The following CRMP1 variants were observed in gnomAD, a reference collection of about 807,000 sequenced individuals.
CRMP1 encodes the protein dihydropyrimidinase-related protein 1.
Under a neutral mutation model 68.3 loss-of-function variants are expected in CRMP1, and 19 were observed. The ratio of observed to expected loss-of-function variants is 0.28; its 90% CI spans 0.19 to 0.41. The LOEUF (loss-of-function observed/expected upper bound fraction) is 0.41, where lower values mean the gene tolerates loss of function less well. Ranked by LOEUF, CRMP1 falls within the 10% of genes least tolerant of loss-of-function variation. CRMP1 has a pLI of 1.00. For synonymous variants in CRMP1, 439 were observed against 399.6 expected (o/e 1.10, Z -1.18); for missense variants, 791 against 967.4 (o/e 0.82, Z 2.42).
intron 6 of CRMP1, among the ~76,000 whole-genome samples, chr4:5,846,717 A>C (rs574290178): frequency 6.8e-6 from 1 of 146,582 alleles, no homozygotes; most frequent in Non-Finnish European, 1.5e-5. Context: ...CAACCTCCCA[A>C]GTAGCTAGGA....
At chr4:5,823,537 GT>G (rs1186025776) in intron 13 of CRMP1, among the ~76,000 whole-genome samples, 1 of 152,222 alleles carries the variant, frequency 6.6e-6, no homozygotes, top group African/African-American at 2.4e-5. Flanking sequence ...AATGGGAGGG[GT>G]TTGGGTCATG....
rs936266490 is a variant in CRMP1, at chr4:5,842,626, A to T, written c.1032+467T>A. 1.4e-5 allele frequency among the ~76,000 whole-genome samples: 2 copies of T among 145,236 alleles called. No individual in the cohort carries two copies. The highest frequency in any genetic ancestry group is 2.5e-5 in the African/African-American group (1 of 40,616). ...CACACACACACACACACTCACTCAC[A>T]CACACACACACGCACTGTCTCTCTC... On this transcript the variant is annotated intron_variant, in intron 7 of 13. Coordinates refer to ENST00000324989, the MANE Select transcript of CRMP1 (RefSeq NM_001014809.3). The surrounding 1 kb of genome is among the most constrained non-coding windows in gnomAD (Gnocchi z 4.5).
At chr4:5,833,190 G>A (rs1276257292) in intron 11 of CRMP1, among the ~76,000 whole-genome samples, 4 of 78,238 alleles carry the variant, frequency 5.1e-5, no homozygotes, top group East Asian at 3.0e-4. Context: ...TTTTTGAGAC[G>A]GAGTCTCGCT....
At chr4:5,873,475 A>G (rs1286935989) in intron 1 of CRMP1, among the ~76,000 whole-genome samples, 1 of 151,112 alleles carries the variant, frequency 6.6e-6, no homozygotes, top group Admixed American at 6.6e-5. Context: ...GCTTCTGGGG[A>G]GGCCTCAGGA....
In CRMP1 at chr4:5,829,736, T is replaced by TTACAC. The variant is rs1300785703; in HGVS notation, c.1624-1073_1624-1069dup. ...ATATCAGCACACATACAAAATACTT[T>TTACAC]TACACTGCTACATTTCATCAGGAGG... is the stretch of plus-strand genomic sequence containing the variant. On this transcript the variant is annotated intron_variant, in intron 11 of 13. Coordinates refer to ENST00000324989, the MANE Select transcript of CRMP1 (RefSeq NM_001014809.3). Among the ~76,000 whole-genome samples, 3 of 152,348 alleles carry TTACAC rather than the reference T, an allele frequency of 2.0e-5. No homozygotes were observed. The East Asian group carries it at 5.8e-4, about 29-fold the overall frequency.
intron 11 of CRMP1, among the ~76,000 whole-genome samples, chr4:5,830,266 A>T (rs1560486486): frequency 6.6e-6 from 1 of 152,168 alleles, no homozygotes; most frequent in Non-Finnish European, 1.5e-5. Flanking sequence ...GTGTGTTGCA[A>T]ATATGTCCTC....
intron 6 of CRMP1, among the ~76,000 whole-genome samples, chr4:5,845,525 T>C (rs1712123483): frequency 6.6e-6 from 1 of 152,206 alleles, no homozygotes; most frequent in Admixed American, 6.5e-5. Context: ...ATGCAAATCC[T>C]GCACCAGTTG....
rs1199031749 is a variant in CRMP1 at position 5,877,505 on chromosome 4, T to C, written c.382-10749A>G. On this transcript the variant is annotated intron_variant, in intron 1 of 13. Coordinates refer to ENST00000324989, the MANE Select transcript of CRMP1 (RefSeq NM_001014809.3). The surrounding 1 kb of genome is among the most constrained non-coding windows in gnomAD (Gnocchi z 4.3). ...CCATCCAGCTGCACACTCATATTTA[T>C]TCACAGAAACCATCCATTTGCCTTT... Among the ~76,000 whole-genome samples the C allele has an allele frequency of 1.3e-5, 2 of 152,206 alleles. No individual in the cohort carries two copies. The highest frequency in any genetic ancestry group is 1.5e-5 in the Non-Finnish European group (1 of 68,046).
At chr4:5,871,389 G>A (rs1484236980) in intron 1 of CRMP1, among the ~76,000 whole-genome samples, 5 of 152,162 alleles carry the variant, frequency 3.3e-5, no homozygotes, top group South Asian at 2.1e-4. Context: ...GGCTGGGTGC[G>A]GTGGCTCACA....
intron 2 of CRMP1, among the ~76,000 whole-genome samples, chr4:5,864,733 C>A (rs573260728): frequency 1.6e-4 from 24 of 152,150 alleles, no homozygotes; most frequent in Admixed American, 2.0e-4. Flanking sequence ...GCAGGGCCCA[C>A]AAGGACAAAT....
At position 5,825,833 on chromosome 4, in the gene CRMP1, A is replaced by T. The variant is rs1577725979; in HGVS notation, c.1804-174T>A. ...GTGCACTTCACACACATGCAGCCGCACACAGGCATTCATACACACAAGCAT... is the reference window on the plus strand; with the variant it reads ...GTGCACTTCACACACATGCAGCCGCTCACAGGCATTCATACACACAAGCAT... On this transcript the variant is annotated intron_variant, in intron 12 of 13. Coordinates refer to ENST00000324989, the MANE Select transcript of CRMP1 (RefSeq NM_001014809.3). The surrounding 1 kb of genome is among the most constrained non-coding windows in gnomAD (Gnocchi z 4.4). 3 of 637,682 alleles carry T rather than the reference A, an allele frequency of 4.7e-6. No homozygotes were observed. In the South Asian group the frequency reaches 6.1e-5, roughly 13 times the overall value. 39.5% of individuals were successfully genotyped at this position (637,682 alleles called of 1,614,324 possible).
intron 12 of CRMP1, chr4:5,826,990 A>G (rs2152446804): frequency 6.6e-6 from 1 of 152,540 alleles, no homozygotes; most frequent in South Asian, 2.1e-4. Flanking sequence ...TGGCTGTGGC[A>G]TTGCTTCCTG....
At position 5,861,216 on chromosome 4, in the gene CRMP1, G is replaced by T. The variant is rs1235274296; in HGVS notation, c.471-6C>A. The T allele has an allele frequency of 6.2e-7, 1 of 1,612,074 alleles. No individual in the cohort carries two copies. The highest frequency in any genetic ancestry group is 8.5e-7 in the Non-Finnish European group (1 of 1,178,856). On this transcript the variant is annotated splice_polypyrimidine_tract_variant and splice_region_variant and intron_variant, in intron 2 of 13. Transcript: ENST00000324989. This position sits in a 1 kb window ranked among gnomAD's most constrained non-coding sequence, Gnocchi z 6.0. ...TTAAGTTCTCTCCTATTTGTCTGGA[G>T]GCAAACAACAGAGACAGCCTTGGTT... is the stretch of plus-strand genomic sequence containing the variant.
intron 6 of CRMP1, among the ~76,000 whole-genome samples, chr4:5,846,046 A>C (rs1029493480): frequency 1.3e-5 from 2 of 152,190 alleles, no homozygotes; most frequent in Non-Finnish European, 2.9e-5. Flanking sequence ...CTGTAATCCC[A>C]GCACTGTGGG....
At chr4:5,824,214 G>T in intron 13 of CRMP1, 1 of 817,996 alleles carries the variant, frequency 1.2e-6, no homozygotes, top group Non-Finnish European at 1.5e-6. Flanking sequence ...TTGAGAGCTT[G>T]TGTCTTGTTG....
At chr4:5,863,964 G>A (rs1165803519) in intron 2 of CRMP1, among the ~76,000 whole-genome samples, 4 of 152,182 alleles carry the variant, frequency 2.6e-5, no homozygotes, top group African/African-American at 9.7e-5. Context: ...GAGTAGGACT[G>A]CCAACACGCA....
rs998678076 is a variant in CRMP1 at position 5,858,618 on chromosome 4, C to T, written c.656-2311G>A. 1.3e-5 allele frequency among the ~76,000 whole-genome samples: 2 copies of T among 152,198 alleles called. No homozygotes were observed. Among genetic ancestry groups the T allele is most frequent in the African/African-American group, 4.8e-5 (2 of 41,436 alleles). On this transcript the variant is annotated intron_variant, in intron 3 of 13. Transcript: ENST00000324989. This position sits in a 1 kb window ranked among gnomAD's most constrained non-coding sequence, Gnocchi z 5.5. ...TCATCTCTCAGCTGAATTACGCAAT[C>T]GCCTCCCAACTGGTCCAGACACATC...
In CRMP1 at chr4:5,881,064, G is replaced by T. The variant is rs185978085; in HGVS notation, c.381+11525C>A. Among the ~76,000 whole-genome samples, 1 of 152,352 alleles carries T rather than the reference G, an allele frequency of 6.6e-6. No individual in the cohort carries two copies. The highest frequency in any genetic ancestry group is 1.9e-4 in the East Asian group (1 of 5,182). On this transcript the variant is annotated intron_variant, in intron 1 of 13. Coordinates refer to ENST00000324989, the MANE Select transcript of CRMP1 (RefSeq NM_001014809.3). The surrounding 1 kb of genome is among the most constrained non-coding windows in gnomAD (Gnocchi z 4.6). The stretch of plus-strand genomic sequence containing the variant: ...CCCAGGAGGAGGAATCCTTTATAGA[G>T]AATGGACACAGCTGATACAAAGGCA...
At position 5,865,412 on chromosome 4, in the gene CRMP1, G is replaced by A. The variant is rs1450560138; in HGVS notation, c.470+1256C>T. Among the ~76,000 whole-genome samples, 1 of 152,048 alleles carries A rather than the reference G, an allele frequency of 6.6e-6. No individual in the cohort carries two copies. Among genetic ancestry groups the A allele is most frequent in the Admixed American group, 6.6e-5 (1 of 15,258 alleles). Reference sequence around the variant, plus strand: ...CGAGGCGAGCGGATCACGAGGTCAGGAGATCGAGACCATCCTGGCCAACAT... The same window carrying A: ...CGAGGCGAGCGGATCACGAGGTCAGAAGATCGAGACCATCCTGGCCAACAT... On this transcript the variant is annotated intron_variant, in intron 2 of 13. Transcript: ENST00000324989. The surrounding 1 kb of genome is among the most constrained non-coding windows in gnomAD (Gnocchi z 4.1).
Sources: allele counts gnomAD v4.1 joint callset (sites outside exome capture counted in the v4.1 genomes callset), GRCh38; gene constraint gnomAD v4.1.1; non-coding constraint Gnocchi (gnomAD v3.1); transcripts MANE v1.5; gene names NCBI Gene and HGNC (gene_info 2026-07-23, HGNC 2026-07-21).